The following NLRP7 variants were observed in gnomAD, a reference collection of about 807,000 sequenced individuals.
NLRP7 encodes NACHT, LRR and PYD domains-containing protein 7.
Under a neutral mutation model 85.5 loss-of-function variants are expected in NLRP7, and 72 were observed. That is an observed-to-expected ratio of 0.84 (90% CI 0.70 to 1.02). The LOEUF (loss-of-function observed/expected upper bound fraction) is 1.02, where lower values mean the gene tolerates loss of function less well. NLRP7 is among the 50% of genes least tolerant of loss of function. NLRP7 has a pLI of 0.00. For missense variants in NLRP7, 1,243 were observed against 1,219.5 expected, an observed-to-expected ratio of 1.02 and a Z score of -0.29; for synonymous variants, 550 against 505.2, an observed-to-expected ratio of 1.09 and a Z score of -1.19.
intron 5 of NLRP7, among the ~76,000 whole-genome samples, chr19:54,937,591 CAGA>C (rs1481900070): frequency 6.9e-6 from 1 of 145,152 alleles, no homozygotes; most frequent in Non-Finnish European, 1.5e-5. Context: ...AACTCTGTCT[CAGA>C]AAAAATAAAA....
chr19:54,938,193 A>G (rs1235403480), exon 5 of NLRP7: 4 of 1,614,120 alleles, frequency 2.5e-6, no homozygotes, highest in Non-Finnish European at 3.4e-6. Context: ...AGAGGCGAAG[A>G]GAGCGAAGAT....
At chr19:54,959,160 A>C (rs1157389454) in intron 1 of NLRP7, among the ~76,000 whole-genome samples, 1 of 128,512 alleles carries the variant, frequency 7.8e-6, no homozygotes, top group Non-Finnish European at 1.7e-5. Context: ...TTTTTTTGAG[A>C]CAGAGTCTTG....
intron 8 of NLRP7, 35 bp from the exon 9 acceptor site, chr19:54,930,701 C>G: frequency 6.3e-7 from 1 of 1,590,804 alleles, no homozygotes; most frequent in Non-Finnish European, 8.6e-7. Flanking sequence ...AGCCTGTTAT[C>G]CCTCTGGCTA....
chr19:54,936,574 C>A (rs1364687497), intron 5 of NLRP7, 143 bp from the exon 6 acceptor site: 1 of 750,440 alleles, frequency 1.3e-6, no homozygotes, highest in Non-Finnish European at 2.3e-6. Context: ...GTAACCCCAG[C>A]ACTTTGGGAG....
chr19:54,937,224 A>AG (rs1488426233), intron 5 of NLRP7, among the ~76,000 whole-genome samples: 1 of 151,960 alleles, frequency 6.6e-6, no homozygotes, highest in Non-Finnish European at 1.5e-5. Context: ...TCAAAAAAAA[A>AG]AAAAAAAGTC....
intron 5 of NLRP7, among the ~76,000 whole-genome samples, chr19:54,937,651 AC>A (rs2068992476): frequency 6.6e-6 from 1 of 152,082 alleles, no homozygotes; most frequent in South Asian, 2.1e-4. Flanking sequence ...TAATCCCAGC[AC>A]TTTGGAAGGC....
exon 4 of NLRP7, chr19:54,939,059 A>G (rs1256935819): frequency 1.2e-6 from 2 of 1,614,146 alleles, no homozygotes; most frequent in Non-Finnish European, 1.7e-6. Context: ...CGGGGCCACC[A>G]CCACCTTCGC....
chr19:54,938,014 G>A (rs1030498841), intron 5 of NLRP7, 30 bp downstream of exon 5: 1 of 1,549,204 alleles, frequency 6.5e-7, no homozygotes, highest in African/African-American at 1.4e-5. Context: ...ATCGTTCAGG[G>A]TCTTCCTTGC....
At chr19:54,961,216 A>C (rs73057206) in intron 1 of NLRP7, among the ~76,000 whole-genome samples, 33,442 of 151,822 alleles carry the variant, frequency 0.22, 4,005 homozygotes, top group Middle Eastern at 0.33. Context: ...CTAGTTAAAA[A>C]AGAGGGGGAG....
intron 5 of NLRP7, among the ~76,000 whole-genome samples, chr19:54,937,215 CA>C (rs570045116): frequency 0.014 from 1,100 of 77,550 alleles, 9 homozygotes; most frequent in South Asian, 0.042. Context: ...GAGACTGTCT[CA>C]AAAAAAAAAA....
intron 1 of NLRP7, among the ~76,000 whole-genome samples, chr19:54,962,105 G>A (rs1272460199): frequency 6.7e-6 from 1 of 148,616 alleles, no homozygotes. Flanking sequence ...AGAGGTTGCA[G>A]TGAGCTGAGA....
intron 1 of NLRP7, among the ~76,000 whole-genome samples, chr19:54,946,107 A>T (rs1314659417): frequency 5.4e-5 from 7 of 129,182 alleles, no homozygotes; most frequent in African/African-American, 1.8e-4. Flanking sequence ...GGGTTTCTCT[A>T]TGTTGGCCAG....
exon 3 of NLRP7, chr19:54,940,998 T>G (rs2069197275): frequency 1.2e-6 from 2 of 1,608,596 alleles, no homozygotes; most frequent in Non-Finnish European, 1.7e-6. Context: ...CTTGCACCTG[T>G]CCGTCCTCTG....
chr19:54,930,527 T>C (rs1280179193), exon 9 of NLRP7: 2 of 1,611,902 alleles, frequency 1.2e-6, no homozygotes, highest in Admixed American at 3.3e-5. Context: ...CAGTTTGGAT[T>C]CTCTAATGCC....
chr19:54,929,111 G>C (rs1203907223), intron 9 of NLRP7, among the ~76,000 whole-genome samples: 1 of 152,188 alleles, frequency 6.6e-6, no homozygotes, highest in African/African-American at 2.4e-5. Context: ...GCTCATGCCT[G>C]TAATCCCAGC....
intron 8 of NLRP7, among the ~76,000 whole-genome samples, chr19:54,931,552 G>A (rs2068677124): frequency 6.6e-6 from 1 of 152,158 alleles, no homozygotes; most frequent in South Asian, 2.1e-4. Context: ...GCCAGGTGTG[G>A]TGGCACATGC....
Position 54,938,837 on chromosome 19 carries a change from G to T in NLRP7, c.1931+51C>A, listed in dbSNP as rs775754297. On this transcript the variant is annotated intron_variant, in intron 4 of 9. Transcript: ENST00000340844. ...TCTGACAGTAAGCGACAGGGCAAAG[G>T]AGACGCTGGCCTCTTCCTAGTGGAG... The T allele has an allele frequency of 5.0e-6, 8 of 1,599,724 alleles. No homozygotes were observed. The African/African-American group carries it at 1.1e-4, about 21-fold the overall frequency.
At position 54,934,966 on chromosome 19, in the gene NLRP7, G is replaced by A. The variant is rs2068844879; in HGVS notation, c.2301-307C>T. ...CCCACCTTGGCCTACCGAAGTACTG[G>A]GATTACAGGTGTGAGCCACCGCGCC... On this transcript the variant is annotated intron_variant, in intron 6 of 9. Coordinates refer to ENST00000340844, the Ensembl canonical transcript of NLRP7. The surrounding 1 kb of genome is among the most constrained non-coding windows in gnomAD (Gnocchi z 6.7). 6.6e-6 allele frequency among the ~76,000 whole-genome samples: 1 copy of A among 151,894 alleles called. No individual in the cohort carries two copies. Among genetic ancestry groups the A allele is most frequent in the South Asian group, 2.1e-4 (1 of 4,818 alleles).
chr19:54,929,855 CT>C (rs2068597602), intron 9 of NLRP7, among the ~76,000 whole-genome samples: 2 of 152,046 alleles, frequency 1.3e-5, no homozygotes, highest in South Asian at 4.1e-4. Context: ...TGGCTCACGC[CT>C]GTAATCCCAG....
Sources: allele counts gnomAD v4.1 joint callset (sites outside exome capture counted in the v4.1 genomes callset), GRCh38; gene constraint gnomAD v4.1.1; non-coding constraint Gnocchi (gnomAD v3.1); transcripts MANE v1.5; gene names NCBI Gene and HGNC (gene_info 2026-07-23, HGNC 2026-07-21).